Variants in PIK3CD observed in about 807,000 individuals in gnomAD.
PIK3CD encodes phosphatidylinositol 4,5-bisphosphate 3-kinase catalytic subunit delta isoform.
A neutral mutation model predicts 122.9 loss-of-function variants in PIK3CD; 20 were observed. That is an observed-to-expected ratio of 0.16 (90% CI 0.11 to 0.24). The LOEUF is 0.24. Among genes scored for constraint, PIK3CD ranks in the 10% least tolerant of loss-of-function variants. The probability of loss-of-function intolerance (pLI) is 1.00; values close to 1 mark genes in which losing one functional copy is unlikely to be tolerated. For synonymous variants in PIK3CD, 596 were observed against 593.4 expected, an observed-to-expected ratio of 1.00 and a Z score of -0.06; for missense variants, 787 against 1,406.3, an observed-to-expected ratio of 0.56 and a Z score of 7.04.
At chr1:9,660,085 T>TG (rs796193234) in intron 1 of PIK3CD, among the ~76,000 whole-genome samples, 64 of 152,318 alleles carry the variant, frequency 4.2e-4, no homozygotes, top group African/African-American at 1.5e-3. Flanking sequence ...CCAGCTAGTT[T>TG]TGTACTTTCA....
At chr1:9,716,752 C>A (rs546494708) in intron 6 of PIK3CD, 133 bp downstream of exon 6, 2 of 1,176,556 alleles carry the variant, frequency 1.7e-6, no homozygotes, top group Non-Finnish European at 2.5e-6. Flanking sequence ...GCCAGAGCAT[C>A]CCCTGGTAGG....
At position 9,710,703 on chromosome 1, in the gene PIK3CD, GGACA is replaced by G. The variant is rs1304405683; in HGVS notation, c.141+114_141+117del. 17 of 1,252,514 alleles carry G rather than the reference GGACA, an allele frequency of 1.4e-5. No homozygotes were observed. The highest frequency in any genetic ancestry group is 1.7e-5 in the Non-Finnish European group (15 of 859,878). The allele number at this position is 1,252,514 out of a possible 1,614,324, so 77.6% of individuals were successfully genotyped here. ...CAGACAGATGGACAGGTGGACAGAC[GGACA>G]GACAGATGGACAGATGCACTGCTTT... On this transcript the variant is annotated intron_variant, in intron 3 of 23. Transcript: ENST00000377346. The surrounding 1 kb of genome is among the most constrained non-coding windows in gnomAD (Gnocchi z 4.7).
At chr1:9,649,394 C>T (rs543465903), upstream of PIK3CD, among the ~76,000 whole-genome samples, 9 of 152,214 alleles carry the variant, frequency 5.9e-5, no homozygotes, top group African/African-American at 2.2e-4. Context: ...CTAAACCCGG[C>T]TAATTTTTTC....
Position 9,715,841 on chromosome 1 carries a change from C to T in PIK3CD, c.371-8C>T, listed in dbSNP as rs780672219. On this transcript the variant is annotated splice_polypyrimidine_tract_variant and splice_region_variant and intron_variant, in intron 4 of 23. Coordinates refer to ENST00000377346, the MANE Select transcript of PIK3CD (RefSeq NM_005026.5). The surrounding 1 kb of genome is among the most constrained non-coding windows in gnomAD (Gnocchi z 4.1). ...CCACCCGCTGACCCAGCCCTCCCCA[C>T]CCCGCAGGCCTCCACGAGTTTGACT... 3 of 1,610,840 alleles carry T rather than the reference C, an allele frequency of 1.9e-6. No homozygotes were observed. The highest frequency in any genetic ancestry group is 2.2e-5 in the East Asian group (1 of 44,848).
At position 9,689,628 on chromosome 1, in the gene PIK3CD, C is replaced by G. The variant is rs1646118742; in HGVS notation, c.-137-1839C>G. Among the ~76,000 whole-genome samples, 1 of 151,364 alleles carries G rather than the reference C, an allele frequency of 6.6e-6. No individual in the cohort carries two copies. The highest frequency in any genetic ancestry group is 6.6e-5 in the Admixed American group (1 of 15,212). ...CCGGCCCCGCGCCGCTGCCCGGAGG[C>G]TGGCGTCTTCCCGTCACTCCGGGAC... is the stretch of plus-strand genomic sequence containing the variant. On this transcript the variant is annotated intron_variant, in intron 1 of 23. Coordinates refer to ENST00000377346, the MANE Select transcript of PIK3CD (RefSeq NM_005026.5). This position sits in a 1 kb window ranked among gnomAD's most constrained non-coding sequence, Gnocchi z 6.1.
intron 1 of PIK3CD, among the ~76,000 whole-genome samples, chr1:9,677,555 G>A (rs1645584082): frequency 6.6e-6 from 1 of 151,364 alleles, no homozygotes; most frequent in African/African-American, 2.4e-5. Context: ...TGAGGCAGGA[G>A]GATCGCTTGA....
chr1:9,644,911 G>C, the PIK3CD span, among the ~76,000 whole-genome samples: 3,769 of 152,270 alleles, frequency 0.025, 158 homozygotes, highest in East Asian at 0.097. Flanking sequence ...AGTCATTAAA[G>C]GGTGGGGCTG....
chr1:9,654,163 G>C (rs748852594), intron 1 of PIK3CD: 2 of 1,332,606 alleles, frequency 1.5e-6, no homozygotes, highest in South Asian at 2.3e-5. Context: ...TTCAGCCCCT[G>C]TTCAGAAACA....
At chr1:9,677,018 C>CT (rs1437895355) in intron 1 of PIK3CD, among the ~76,000 whole-genome samples, 8 of 152,288 alleles carry the variant, frequency 5.3e-5, no homozygotes, top group South Asian at 4.1e-4. Context: ...CCAGAGCCCT[C>CT]TATGTCATCC....
intron 1 of PIK3CD, among the ~76,000 whole-genome samples, chr1:9,675,431 T>C (rs931420648): frequency 4.7e-5 from 7 of 147,840 alleles, no homozygotes; most frequent in Non-Finnish European, 1.0e-4. Flanking sequence ...TGGTAAGTAC[T>C]ACTGTGATTC....
At chr1:9,721,374 G>GGCTGCCGAGGGAGCTCCCTCCT (rs1648623916) in intron 14 of PIK3CD, 70 bp from the exon 15 acceptor site, 1 of 1,609,138 alleles carries the variant, frequency 6.2e-7, no homozygotes, top group Non-Finnish European at 8.5e-7. Context: ...GCCTCCCTCT[G>GGCTGCCGAGGGAGCTCCCTCCT]GCTGCCGAGG....
At chr1:9,642,045 C>T in the PIK3CD span, among the ~76,000 whole-genome samples, 2 of 152,126 alleles carry the variant, frequency 1.3e-5, no homozygotes. Flanking sequence ...GAAGCAACAC[C>T]CGCCCTTACT....
intron 1 of PIK3CD, among the ~76,000 whole-genome samples, chr1:9,673,987 T>C (rs1645420700): frequency 6.6e-6 from 1 of 152,164 alleles, no homozygotes; most frequent in Admixed American, 6.5e-5. Context: ...AAGGCTCGAC[T>C]CCATGGCACC....
the PIK3CD span, among the ~76,000 whole-genome samples, chr1:9,643,221 C>A: frequency 1.5e-4 from 23 of 152,122 alleles, no homozygotes; most frequent in Middle Eastern, 3.4e-3. Context: ...CCAGCCTGGT[C>A]AACATGGCGA....
intron 23 of PIK3CD, among the ~76,000 whole-genome samples, chr1:9,726,246 G>C (rs140034328): frequency 0.019 from 2,894 of 151,950 alleles, 69 homozygotes; most frequent in African/African-American, 0.05. Flanking sequence ...CGATGGCTCA[G>C]GCCTGTAAAC....
At chr1:9,683,158 G>T (rs1459708489) in intron 1 of PIK3CD, among the ~76,000 whole-genome samples, 3 of 146,654 alleles carry the variant, frequency 2.0e-5, no homozygotes, top group Non-Finnish European at 3.0e-5. Flanking sequence ...ACCAAAACAG[G>T]CTGGGCATGG....
chr1:9,641,162 C>T, the PIK3CD span, among the ~76,000 whole-genome samples: 3 of 152,188 alleles, frequency 2.0e-5, no homozygotes, highest in Non-Finnish European at 4.4e-5. Context: ...AGGCCTGGGG[C>T]TTGTCCAGTG....
At chr1:9,627,467 G>C in the PIK3CD span, among the ~76,000 whole-genome samples, 2 of 152,274 alleles carry the variant, frequency 1.3e-5, no homozygotes, top group Non-Finnish European at 2.9e-5. Context: ...GCACGAAGGC[G>C]TGGGCCTCGC....
chr1:9,727,972 T>C lies in PIK3CD; in HGVS notation c.*926T>C. On this transcript the variant is annotated 3_prime_UTR_variant, in exon 24 of 24. Transcript: ENST00000377346. Reference sequence around the variant, plus strand: ...GGTGTGCACCACCGTACCCAGCTAATTTTTGTATTTTAGTAGAGACGGGGG... The same window carrying C: ...GGTGTGCACCACCGTACCCAGCTAACTTTTGTATTTTAGTAGAGACGGGGG... The C allele has an allele frequency of 6.2e-6, 1 of 161,900 alleles. No homozygotes were observed. The highest frequency in any genetic ancestry group is 1.4e-5 in the Non-Finnish European group (1 of 73,422). 10.0% of individuals were successfully genotyped at this position (161,900 alleles called of 1,614,324 possible). A position where few individuals can be genotyped will look rare whatever the true frequency, so the allele number is the denominator to read the frequency against.
Sources: gnomAD v4.1 joint callset for allele counts (sites outside exome capture counted in the v4.1 genomes callset) on GRCh38, gnomAD v4.1.1 for gene constraint, Gnocchi (gnomAD v3.1) non-coding constraint, MANE v1.5 for transcripts, NCBI Gene and HGNC (gene_info 2026-07-23, HGNC 2026-07-21) for gene names.